Variants in ENTREP2 observed in about 807,000 individuals in gnomAD.
ENTREP2 encodes protein ENTREP2.
At chr15:29,158,508 G>C in the ENTREP2 span, among the ~76,000 whole-genome samples, 122,722 of 150,996 alleles carry the variant, frequency 0.81, 50,202 homozygotes, top group Non-Finnish European at 0.85. Context: ...CGGGTTCAAG[G>C]GATTCTCCTG....
At chr15:29,209,816 C>A in the ENTREP2 span, among the ~76,000 whole-genome samples, 2 of 152,248 alleles carry the variant, frequency 1.3e-5, no homozygotes, top group South Asian at 2.1e-4. Context: ...GGTACCCCTG[C>A]AGGGTCACTC....
At chr15:29,269,885 T>C in the ENTREP2 span, 1 of 572,380 alleles carries the variant, frequency 1.7e-6, no homozygotes, top group Non-Finnish European at 2.8e-6. Flanking sequence ...CCTGCGCGGC[T>C]GCGGCGGGTA....
the ENTREP2 span, among the ~76,000 whole-genome samples, chr15:29,479,684 TACACACAC>T: frequency 4.9e-4 from 72 of 148,132 alleles, no homozygotes; most frequent in African/African-American, 7.7e-4. Context: ...CACACATACA[TACACACAC>T]ACACACACAC....
the ENTREP2 span, among the ~76,000 whole-genome samples, chr15:29,424,256 C>A: frequency 6.6e-6 from 1 of 152,162 alleles, no homozygotes. Flanking sequence ...CCCCATGGGG[C>A]TCCCACCGCT....
At chr15:29,269,622 CCCGGGGTTTCCGCT>C in the ENTREP2 span, 1 of 1,568,778 alleles carries the variant, frequency 6.4e-7, no homozygotes, top group Non-Finnish European at 8.6e-7. Flanking sequence ...CCCGCGAAGC[CCCGGGGTTTCCGCT>C]ATGGCTCCAG....
At chr15:29,377,617 T>C in the ENTREP2 span, among the ~76,000 whole-genome samples, 1 of 150,492 alleles carries the variant, frequency 6.6e-6, no homozygotes, top group East Asian at 2.0e-4. Flanking sequence ...AGATCAGGAG[T>C]TTGAGACCAG....
chr15:29,572,843 C>CA, the ENTREP2 span, among the ~76,000 whole-genome samples: 18 of 150,454 alleles, frequency 1.2e-4, no homozygotes, highest in African/African-American at 2.2e-4. Flanking sequence ...CCACCCCCAC[C>CA]AAAAAAAAGG....
At chr15:29,581,524 T>C in the ENTREP2 span, among the ~76,000 whole-genome samples, 6 of 152,134 alleles carry the variant, frequency 3.9e-5, no homozygotes, top group African/African-American at 1.4e-4. Flanking sequence ...AATATCTGGG[T>C]ACTGTGGCCC....
chr15:29,296,268 G>C, the ENTREP2 span, among the ~76,000 whole-genome samples: 2 of 149,598 alleles, frequency 1.3e-5, no homozygotes, highest in Non-Finnish European at 2.9e-5. Flanking sequence ...GCTTGGATGA[G>C]GGGGTAGCAG....
chr15:29,136,621 A>G, the ENTREP2 span: 1 of 1,056,378 alleles, frequency 9.5e-7, no homozygotes, highest in African/African-American at 1.7e-5. Context: ...ACTTCCCATC[A>G]TTGTGAAATC....
At chr15:29,274,903 G>T in the ENTREP2 span, among the ~76,000 whole-genome samples, 1 of 152,214 alleles carries the variant, frequency 6.6e-6, no homozygotes, top group Non-Finnish European at 1.5e-5. Flanking sequence ...GTAATTGTGG[G>T]AAAAGTAAAT....
At chr15:29,327,760 T>A in the ENTREP2 span, among the ~76,000 whole-genome samples, 3 of 152,156 alleles carry the variant, frequency 2.0e-5, no homozygotes, top group Non-Finnish European at 4.4e-5. Context: ...ATGGCTAAAA[T>A]CCAAAAATGG....
At chr15:29,647,871 C>A in the ENTREP2 span, among the ~76,000 whole-genome samples, 1 of 152,058 alleles carries the variant, frequency 6.6e-6, no homozygotes, top group Non-Finnish European at 1.5e-5. Context: ...TAGGAGGTGA[C>A]CTCTCCACCA....
the ENTREP2 span, chr15:29,118,030 T>TG: frequency 6.6e-6 from 1 of 152,566 alleles, no homozygotes; most frequent in Non-Finnish European, 1.5e-5. Context: ...GCAGACCCCT[T>TG]GGCCAGCGTG....
chr15:29,182,333 G>T, the ENTREP2 span, among the ~76,000 whole-genome samples: 1 of 151,964 alleles, frequency 6.6e-6, no homozygotes, highest in South Asian at 2.1e-4. Context: ...CACCGTGTTA[G>T]CCAGGATGGT....
chr15:29,245,292 T>G, the ENTREP2 span, among the ~76,000 whole-genome samples: 3 of 152,114 alleles, frequency 2.0e-5, no homozygotes, highest in African/African-American at 7.2e-5. Context: ...ACTATAAAAG[T>G]GTAGTAACAT....
At chr15:29,529,660 A>G in the ENTREP2 span, among the ~76,000 whole-genome samples, 1 of 152,108 alleles carries the variant, frequency 6.6e-6, no homozygotes, top group African/African-American at 2.4e-5. Context: ...CAGATGCCAG[A>G]GCACCCAAAT....
the ENTREP2 span, among the ~76,000 whole-genome samples, chr15:29,515,312 G>A: frequency 6.6e-6 from 1 of 152,184 alleles, no homozygotes; most frequent in African/African-American, 2.4e-5. Flanking sequence ...CCAGGAACCA[G>A]GAGTGCTGAT....
the ENTREP2 span, among the ~76,000 whole-genome samples, chr15:29,176,591 T>C: frequency 0.43 from 65,174 of 151,984 alleles, 14,598 homozygotes; most frequent in East Asian, 0.6. Context: ...CCCCAGGAAG[T>C]GTGGCACATG....
Sources: gnomAD v4.1 joint callset for allele counts (sites outside exome capture counted in the v4.1 genomes callset) on GRCh38, gnomAD v4.1.1 for gene constraint, MANE v1.5 for transcripts, NCBI Gene and HGNC (gene_info 2026-07-23, HGNC 2026-07-21) for gene names.